HYDIN: variants seen among roughly 807,000 people sequenced by gnomAD.
The protein encoded by HYDIN is axonemal central pair apparatus protein HYDIN.
HYDIN carries 132 observed loss-of-function variants against 403.9 expected under a neutral mutation model. The observed-to-expected ratio is 0.33, with a 90% CI of 0.28 to 0.38. The LOEUF is 0.38. Ranked by LOEUF, HYDIN falls within the 10% of genes least tolerant of loss-of-function variation. HYDIN has a pLI of 1.00. For synonymous variants in HYDIN, 1,202 were observed against 1,891.7 expected, an observed-to-expected ratio of 0.64 and a Z score of 9.46; for missense variants, 2,827 against 5,009.5, an observed-to-expected ratio of 0.56 and a Z score of 13.15.
chr16:70,997,740 G>A (rs2079576595), intron 23 of HYDIN, among the ~76,000 whole-genome samples: 1 of 150,788 alleles, frequency 6.6e-6, no homozygotes, highest in African/African-American at 2.4e-5. Context: ...GTCTCACCAC[G>A]GTCTCCAGCA....
At chr16:71,227,529 CAGAG>C (rs1250075764) in intron 1 of HYDIN, among the ~76,000 whole-genome samples, 1 of 152,066 alleles carries the variant, frequency 6.6e-6, no homozygotes, top group Non-Finnish European at 1.5e-5. Context: ...AACAGACAAA[CAGAG>C]AGCCAAATCA....
intron 25 of HYDIN, among the ~76,000 whole-genome samples, chr16:70,989,824 G>A (rs2079287563): frequency 6.6e-6 from 1 of 152,128 alleles, no homozygotes; most frequent in African/African-American, 2.4e-5. Flanking sequence ...ATTTACTGGG[G>A]ACTTACTAAG....
At chr16:71,207,396 C>G (rs1245091624) in intron 1 of HYDIN, among the ~76,000 whole-genome samples, 1 of 152,178 alleles carries the variant, frequency 6.6e-6, no homozygotes, top group East Asian at 1.9e-4. Flanking sequence ...TTGTTACTAT[C>G]ACAACTGCCT....
intron 44 of HYDIN, among the ~76,000 whole-genome samples, chr16:70,936,957 C>A (rs543906598): frequency 6.6e-5 from 10 of 151,516 alleles, no homozygotes; most frequent in Admixed American, 1.3e-4. Context: ...TGCTCCTGCC[C>A]CTGCTGCTGA....
At chr16:71,207,410 A>G (rs147985763) in intron 1 of HYDIN, among the ~76,000 whole-genome samples, 13 of 152,344 alleles carry the variant, frequency 8.5e-5, no homozygotes, top group African/African-American at 2.9e-4. Flanking sequence ...ACTGCCTTAC[A>G]AGAGCTCCTG....
At chr16:71,069,777 C>T (rs2082401385) in intron 13 of HYDIN, among the ~76,000 whole-genome samples, 1 of 152,230 alleles carries the variant, frequency 6.6e-6, no homozygotes, top group Admixed American at 6.5e-5. Flanking sequence ...ACATATAAAA[C>T]AAGCCCCTTG....
intron 1 of HYDIN, among the ~76,000 whole-genome samples, chr16:71,226,278 CAT>C (rs770207240): frequency 2.0e-5 from 3 of 152,034 alleles, no homozygotes; most frequent in East Asian, 1.9e-4. Flanking sequence ...AAATCAGAAA[CAT>C]GTATTCACAC....
At chr16:70,875,655 T>A (rs2040401897) in intron 62 of HYDIN, among the ~76,000 whole-genome samples, 1 of 152,192 alleles carries the variant, frequency 6.6e-6, no homozygotes, top group African/African-American at 2.4e-5. Context: ...TAAGAAACTA[T>A]ATGGAAGAAT....
chr16:71,210,635 C>A (rs1369395602), intron 1 of HYDIN, among the ~76,000 whole-genome samples: 1 of 152,012 alleles, frequency 6.6e-6, no homozygotes, highest in African/African-American at 2.4e-5. Flanking sequence ...ACAAGCCACA[C>A]ATGTACCCCT....
intron 83 of HYDIN, among the ~76,000 whole-genome samples, chr16:70,820,861 C>T (rs535073773): frequency 2.6e-5 from 4 of 152,054 alleles, no homozygotes; most frequent in Admixed American, 6.5e-5. Context: ...GTTGGCCAGG[C>T]GGGTCTTGAA....
chr16:70,809,924 G>A lies in HYDIN; in HGVS notation c.14742C>T (p.Tyr4914=). 6.2e-7 allele frequency: 1 copy of A among 1,614,192 alleles called. No homozygotes were observed. Among genetic ancestry groups the A allele is most frequent in the Non-Finnish European group, 8.5e-7 (1 of 1,180,030 alleles). The change falls in exon 85 of 86, where the codon TAC becomes TAT. Residue 4914 remains tyrosine (Y), a synonymous_variant. Transcript: ENST00000393567. ...RLTLHNTDLG[Y]YQYELYLKAT... The stretch of plus-strand genomic sequence containing the variant: ...CTTTCAGATAGAGCTCATATTGGTA[G>A]TAACCCAAGTCAGTGTTGTGCAAAG...
At chr16:71,067,503 G>C in intron 14 of HYDIN, 113 bp from the exon 15 acceptor site, 2 of 550,864 alleles carry the variant, frequency 3.6e-6, no homozygotes, top group Non-Finnish European at 6.5e-6. Context: ...GTGCTTTATG[G>C]ATATATAGCA....
chr16:70,853,781 A>G (rs1386065380), intron 73 of HYDIN, among the ~76,000 whole-genome samples: 10 of 145,836 alleles, frequency 6.9e-5, no homozygotes. Context: ...TGACTCGTCA[A>G]TGTCAATACC....
intron 62 of HYDIN, among the ~76,000 whole-genome samples, chr16:70,876,094 CAGCA>C (rs1253011781): frequency 6.6e-6 from 1 of 151,628 alleles, no homozygotes; most frequent in Non-Finnish European, 1.5e-5. Context: ...TATAGAAATC[CAGCA>C]AGGTCAGTCT....
chr16:70,902,823 T>A (rs10664671), intron 52 of HYDIN, among the ~76,000 whole-genome samples: 4,734 of 18,424 alleles, frequency 0.26, 41 homozygotes, highest in Non-Finnish European at 0.32. Context: ...ATATATATAT[T>A]TTTTTTTTTT....
intron 73 of HYDIN, among the ~76,000 whole-genome samples, chr16:70,853,263 A>G (rs1039511322): frequency 2.0e-5 from 3 of 152,140 alleles, no homozygotes; most frequent in African/African-American, 7.2e-5. Context: ...TAACTAGTGG[A>G]ATGTAAAATG....
intron 84 of HYDIN, among the ~76,000 whole-genome samples, chr16:70,813,523 C>A (rs1272950992): frequency 1.3e-5 from 2 of 150,658 alleles, no homozygotes; most frequent in African/African-American, 2.4e-5. Context: ...CCCAAACCAC[C>A]TGGCCAAGGT....
chr16:71,082,065 G>A lies in HYDIN; in HGVS notation c.1671-2113C>T, dbSNP rs1433968304. ...TCAAGGCACATTAGCTAAAATACTA[G>A]CTTATGCAGTACTGAGAAATGAGTA... On this transcript the variant is annotated intron_variant, in intron 12 of 85. Transcript: ENST00000393567. 4.0e-5 allele frequency among the ~76,000 whole-genome samples: 6 copies of A among 150,448 alleles called. No homozygotes were observed. In the South Asian group the frequency reaches 1.3e-3, roughly 32 times the overall value.
chr16:71,121,801 G>A (rs1231404267), intron 9 of HYDIN, among the ~76,000 whole-genome samples: 1 of 150,744 alleles, frequency 6.6e-6, no homozygotes, highest in Non-Finnish European at 1.5e-5. Flanking sequence ...GAGAAATCAT[G>A]GCTCTCTATA....
Sources: allele counts gnomAD v4.1 joint callset (sites outside exome capture counted in the v4.1 genomes callset), GRCh38; gene constraint gnomAD v4.1.1; transcripts MANE v1.5; gene names NCBI Gene and HGNC (gene_info 2026-07-23, HGNC 2026-07-21).